NTM: variants seen among roughly 807,000 people sequenced by gnomAD.
The protein encoded by NTM is IgLON family member 2.
Under a neutral mutation model 42.1 loss-of-function variants are expected in NTM, and 13 were observed. That is an observed-to-expected ratio of 0.31 (90% CI 0.20 to 0.49). The LOEUF (loss-of-function observed/expected upper bound fraction) is 0.49. NTM is among the 20% of genes least tolerant of loss of function. The probability of loss-of-function intolerance (pLI) is 0.99; values close to 1 mark genes in which losing one functional copy is unlikely to be tolerated. For missense variants in NTM, 373 were observed against 452.8 expected, an observed-to-expected ratio of 0.82 and a Z score of 1.60; for synonymous variants, 187 against 179.2, an observed-to-expected ratio of 1.04 and a Z score of -0.35.
intron 4 of NTM, among the ~76,000 whole-genome samples, chr11:132,280,787 C>G (rs4936164): frequency 1.4e-4 from 21 of 151,876 alleles, no homozygotes; most frequent in Non-Finnish European, 2.6e-4. Context: ...CCCCTGGCCT[C>G]TGATAGTCTT....
intron 2 of NTM, among the ~76,000 whole-genome samples, chr11:131,959,624 T>C (rs1237427034): frequency 1.3e-5 from 2 of 152,156 alleles, no homozygotes; most frequent in Non-Finnish European, 2.9e-5. Context: ...TGACAGAGTG[T>C]CTAAAACAAT....
At chr11:131,713,458 G>A (rs1215049626) in intron 1 of NTM, among the ~76,000 whole-genome samples, 2 of 152,150 alleles carry the variant, frequency 1.3e-5, no homozygotes, top group African/African-American at 2.4e-5. Flanking sequence ...GCCACCAGGA[G>A]CAATTGTGTC....
rs150477081 is a variant in NTM, at chr11:131,901,508, C to T, written c.83-10056C>T. On this transcript the variant is annotated intron_variant, in intron 1 of 8. Coordinates refer to ENST00000683400, the MANE Select transcript of NTM (RefSeq NM_001352005.2). The stretch of plus-strand genomic sequence containing the variant: ...ACTTGGGAGAGTTCTCTATGAATTC[C>T]CTTTGACAGATCATTGGTAAAAATA... 1.2e-3 allele frequency among the ~76,000 whole-genome samples: 181 copies of T among 152,036 alleles called. 1 individual carries two copies. Among genetic ancestry groups the T allele is most frequent in the African/African-American group, 4.2e-3 (176 of 41,454 alleles).
intron 4 of NTM, among the ~76,000 whole-genome samples, chr11:132,287,761 G>C (rs1406876209): frequency 6.6e-6 from 1 of 152,200 alleles, no homozygotes; most frequent in African/African-American, 2.4e-5. Context: ...GCATGTGTGA[G>C]CATGCATGTG....
intron 1 of NTM, among the ~76,000 whole-genome samples, chr11:131,621,839 A>AAG (rs1312829973): frequency 2.0e-5 from 3 of 151,118 alleles, no homozygotes; most frequent in Non-Finnish European, 4.4e-5. Flanking sequence ...AAAAAAAAAA[A>AAG]AAAAGGAAGC....
chr11:131,703,881 G>C (rs1400348140), intron 1 of NTM, among the ~76,000 whole-genome samples: 1 of 152,102 alleles, frequency 6.6e-6, no homozygotes, highest in East Asian at 1.9e-4. Flanking sequence ...TATAGCCCCA[G>C]TTTCCAGGCC....
rs138576108 is a variant in NTM at position 132,335,604 on chromosome 11, C to T, written c.*458C>T. On this transcript the variant is annotated 3_prime_UTR_variant, in exon 9 of 9. Transcript: ENST00000683400. The stretch of plus-strand genomic sequence containing the variant: ...GTGGCGCTGCGGGCACTTTGGTAGA[C>T]TGTGCCACCACGGCGTGTGTTGTGA... The T allele has an allele frequency of 4.6e-3, 713 of 153,670 alleles. 6 individuals carry two copies. Among genetic ancestry groups the T allele is most frequent in the Non-Finnish European group, 8.3e-3 (573 of 69,000 alleles). The allele number at this position is 153,670 out of a possible 1,614,324, so 9.5% of individuals were successfully genotyped here. A position where few individuals can be genotyped will look rare whatever the true frequency, so the allele number is the denominator to read the frequency against.
At chr11:131,668,404 C>T (rs1232713696) in intron 1 of NTM, among the ~76,000 whole-genome samples, 1 of 151,942 alleles carries the variant, frequency 6.6e-6, no homozygotes, top group Non-Finnish European at 1.5e-5. Context: ...AAAACAAAAA[C>T]CTTGATTATA....
At chr11:131,415,380 A>T (rs1333379529) in intron 1 of NTM, among the ~76,000 whole-genome samples, 2 of 152,194 alleles carry the variant, frequency 1.3e-5, no homozygotes, top group Non-Finnish European at 2.9e-5. Context: ...GCACACACTG[A>T]ATGCTATTCG....
Position 131,862,247 on chromosome 11 carries a change from G to A in NTM, c.83-49317G>A, listed in dbSNP as rs192401774. Among the ~76,000 whole-genome samples, 227 of 152,158 alleles carry A rather than the reference G, an allele frequency of 1.5e-3. 2 individuals carry two copies. The highest frequency in any genetic ancestry group is 5.2e-3 in the African/African-American group (217 of 41,496). ...TGGGTCACTCTGAGGGCACAACTGG[G>A]GCCAAGAGTACAGAGAACACAAAGT... On this transcript the variant is annotated intron_variant, in intron 1 of 8. Transcript: ENST00000683400.
intron 1 of NTM, among the ~76,000 whole-genome samples, chr11:131,469,573 C>T (rs1266781417): frequency 2.6e-5 from 4 of 152,138 alleles, no homozygotes; most frequent in Admixed American, 1.3e-4. Flanking sequence ...TTGCCTTGGG[C>T]GCTGCCTATA....
At chr11:132,269,741 TG>T (rs959390496) in intron 4 of NTM, among the ~76,000 whole-genome samples, 44 of 152,344 alleles carry the variant, frequency 2.9e-4, no homozygotes, top group African/African-American at 1.0e-3. Flanking sequence ...CATTGTTGAC[TG>T]GGGGCTCCTG....
intron 1 of NTM, among the ~76,000 whole-genome samples, chr11:131,432,836 A>ATTTTTTTTT (rs1565494754): frequency 4.6e-5 from 4 of 87,384 alleles, no homozygotes; most frequent in African/African-American, 1.4e-4. Context: ...AAGATTTAGC[A>ATTTTTTTTT]TTCTTTTTTT....
intron 2 of NTM, among the ~76,000 whole-genome samples, chr11:131,971,495 CA>C (rs2063523637): frequency 6.6e-6 from 1 of 152,080 alleles, no homozygotes; most frequent in Non-Finnish European, 1.5e-5. Flanking sequence ...AGATATGTGT[CA>C]GTAGATATTG....
intron 1 of NTM, among the ~76,000 whole-genome samples, chr11:131,555,648 CTCAGT>C: frequency 6.6e-6 from 1 of 152,192 alleles, no homozygotes; most frequent in Non-Finnish European, 1.5e-5. Context: ...ATGGTCCCAG[CTCAGT>C]TATCAGCTTT....
At chr11:132,133,135 T>C (rs1046951646) in intron 2 of NTM, among the ~76,000 whole-genome samples, 1 of 152,186 alleles carries the variant, frequency 6.6e-6, no homozygotes, top group African/African-American at 2.4e-5. Flanking sequence ...AGGTTCCTTA[T>C]TGATAAATTA....
chr11:131,462,637 G>A (rs551956255), intron 1 of NTM, among the ~76,000 whole-genome samples: 2 of 152,318 alleles, frequency 1.3e-5, no homozygotes, highest in Non-Finnish European at 2.9e-5. Context: ...CAGTTGAGGG[G>A]ATCTGATTCT....
At chr11:131,820,520 A>G (rs2093139728) in intron 1 of NTM, among the ~76,000 whole-genome samples, 1 of 152,228 alleles carries the variant, frequency 6.6e-6, no homozygotes, top group African/African-American at 2.4e-5. Context: ...AATGAACATT[A>G]GTGTATCTAC....
At chr11:132,153,744 A>G (rs1386118299) in intron 3 of NTM, among the ~76,000 whole-genome samples, 1 of 152,188 alleles carries the variant, frequency 6.6e-6, no homozygotes, top group African/African-American at 2.4e-5. Context: ...ATTCCATTTA[A>G]CAGTATTTTG....
Sources: gnomAD v4.1 joint callset for allele counts (sites outside exome capture counted in the v4.1 genomes callset) on GRCh38, gnomAD v4.1.1 for gene constraint, MANE v1.5 for transcripts, NCBI Gene and HGNC (gene_info 2026-07-23, HGNC 2026-07-21) for gene names.